SLF1: variants seen among roughly 807,000 people sequenced by gnomAD.
The protein encoded by SLF1 is SMC5-SMC6 complex localization factor protein 1.
SLF1 carries 105 observed loss-of-function variants against 123.0 expected under a neutral mutation model. That is an observed-to-expected ratio of 0.85 (90% CI 0.73 to 1.00). The LOEUF (loss-of-function observed/expected upper bound fraction) is 1.00. SLF1 is among the 50% of genes least tolerant of loss of function. SLF1 has a pLI of 0.00. For missense variants in SLF1, 1,239 were observed against 1,223.0 expected (o/e 1.01, Z -0.20); for synonymous variants, 434 against 406.6 (o/e 1.07, Z -0.81).
intron 12 of SLF1, among the ~76,000 whole-genome samples, chr5:94,668,857 G>A (rs1030092576): frequency 3.9e-5 from 6 of 152,034 alleles, no homozygotes; most frequent in African/African-American, 1.5e-4. Context: ...ATTCACATCA[G>A]GCCTATGACT....
Position 94,670,850 on chromosome 5 carries a change from G to A in SLF1, c.1669G>A (p.Asp557Asn). 6.5e-7 allele frequency: 1 copy of A among 1,548,602 alleles called. No individual in the cohort carries two copies. Among genetic ancestry groups the A allele is most frequent in the Non-Finnish European group, 8.7e-7 (1 of 1,145,016 alleles). ...EVQHLSQKLYDWSDSQNLKIT... is the reference protein window; with the variant it reads ...EVQHLSQKLYNWSDSQNLKIT... ...TGTTTATATTTTAATTAGGTTGTATGACTGGTCAGATTCTCAGAATCTGAA... is the reference window on the plus strand; with the variant it reads ...TGTTTATATTTTAATTAGGTTGTATAACTGGTCAGATTCTCAGAATCTGAA... The change falls in exon 14 of 21, where the codon GAC (aspartate) becomes AAC (asparagine). Residue 557 changes from aspartate (D) to asparagine (N), a missense_variant. Transcript: ENST00000265140.
intron 10 of SLF1, among the ~76,000 whole-genome samples, 172 bp downstream of exon 10, chr5:94,662,523 C>T (rs539350078): frequency 1.3e-5 from 2 of 152,226 alleles, no homozygotes; most frequent in East Asian, 3.9e-4. Context: ...AATATTCTGT[C>T]AAAACTCCCC....
At chr5:94,650,684 T>C (rs1170095562) in intron 6 of SLF1, among the ~76,000 whole-genome samples, 3 of 152,180 alleles carry the variant, frequency 2.0e-5, no homozygotes, top group African/African-American at 7.2e-5. Context: ...GCTAGAACTT[T>C]CCAAACTTAA....
chr5:94,630,101 T>C (rs1467452399), intron 3 of SLF1, among the ~76,000 whole-genome samples: 1 of 152,216 alleles, frequency 6.6e-6, no homozygotes, highest in African/African-American at 2.4e-5. Context: ...GGAGGAAGAA[T>C]ATAAATCTAA....
intron 6 of SLF1, among the ~76,000 whole-genome samples, chr5:94,649,960 A>C (rs1747491324): frequency 6.6e-6 from 1 of 152,208 alleles, no homozygotes. Context: ...TGTAAATTCA[A>C]GTATTTATAT....
At chr5:94,651,671 T>C in intron 6 of SLF1, 31 bp from the exon 7 acceptor site, 1 of 1,484,934 alleles carries the variant, frequency 6.7e-7, no homozygotes, top group Non-Finnish European at 9.0e-7. Flanking sequence ...TAATCCACAG[T>C]CTTAACTAAA....
At chr5:94,667,173 G>A (rs571566056) in intron 12 of SLF1, among the ~76,000 whole-genome samples, 7 of 152,040 alleles carry the variant, frequency 4.6e-5, no homozygotes, top group African/African-American at 9.6e-5. Context: ...GAGTACTTAC[G>A]GAGAGCCAGA....
At chr5:94,622,160 C>G (rs1791860271) in intron 1 of SLF1, among the ~76,000 whole-genome samples, 1 of 152,212 alleles carries the variant, frequency 6.6e-6, no homozygotes, top group South Asian at 2.1e-4. Context: ...AGAGATCCAA[C>G]ACTTGGACCC....
At chr5:94,673,335 T>G (rs1482417061) in intron 14 of SLF1, among the ~76,000 whole-genome samples, 1 of 152,126 alleles carries the variant, frequency 6.6e-6, no homozygotes, top group East Asian at 1.9e-4. Flanking sequence ...TGAAATGTTT[T>G]GCTTATTTTA....
chr5:94,654,282 A>G (rs1748109673), intron 8 of SLF1, among the ~76,000 whole-genome samples: 1 of 152,130 alleles, frequency 6.6e-6, no homozygotes, highest in Non-Finnish European at 1.5e-5. Context: ...TTTGTTTTGT[A>G]TGACCATGGC....
chr5:94,631,468 G>A (rs1401851174), intron 4 of SLF1, among the ~76,000 whole-genome samples: 1 of 152,078 alleles, frequency 6.6e-6, no homozygotes, highest in East Asian at 1.9e-4. Flanking sequence ...CTATAGACTA[G>A]ATGTATACTT....
intron 5 of SLF1, among the ~76,000 whole-genome samples, chr5:94,643,783 G>GTCCTATTCCCC (rs1407650576): frequency 2.0e-4 from 30 of 152,180 alleles, no homozygotes; most frequent in Admixed American, 1.7e-3. Context: ...ATACTGTCCT[G>GTCCTATTCCCC]TCCTATTCCC....
rs1343088989 is a variant in SLF1 at position 94,654,647 on chromosome 5, T to G, written c.1050T>G (p.Ser350=). The G allele has an allele frequency of 6.5e-7, 1 of 1,538,750 alleles. No individual in the cohort carries two copies. The highest frequency in any genetic ancestry group is 1.4e-5 in the African/African-American group (1 of 72,580). Residue 350 remains serine (S), a synonymous_variant, in exon 9 of 21, where the codon TCT becomes TCG. Coordinates refer to ENST00000265140, the MANE Select transcript of SLF1 (RefSeq NM_032290.4). ...ATATGCAGAAAGAAATGAAGAATTC[T>G]ATTTTTGCTGAATATGCCAAAGAAT... The part of the protein sequence containing the change: ...YNRDQKEMKN[S]IFAEYAKESK...
At chr5:94,642,205 C>G (rs1172787505) in intron 4 of SLF1, among the ~76,000 whole-genome samples, 1 of 152,180 alleles carries the variant, frequency 6.6e-6, no homozygotes, top group East Asian at 1.9e-4. Context: ...CCTAGTTTTA[C>G]ATCTATCCGT....
At chr5:94,690,297 A>G (rs986016734) in intron 18 of SLF1, among the ~76,000 whole-genome samples, 11 of 152,190 alleles carry the variant, frequency 7.2e-5, no homozygotes, top group African/African-American at 2.7e-4. Context: ...TTTTAATACA[A>G]ATATTAACAT....
At chr5:94,647,775 G>C (rs1362616045) in intron 5 of SLF1, among the ~76,000 whole-genome samples, 1 of 150,252 alleles carries the variant, frequency 6.7e-6, no homozygotes, top group Non-Finnish European at 1.5e-5. Context: ...AAAATATGTG[G>C]ATCATTTGTT....
chr5:94,695,673 A>G lies in SLF1; in HGVS notation c.*361A>G. The G allele has an allele frequency of 6.5e-6, 1 of 153,122 alleles. No individual in the cohort carries two copies. Among genetic ancestry groups the G allele is most frequent in the Non-Finnish European group, 1.5e-5 (1 of 68,686 alleles). The allele number at this position is 153,122 out of a possible 1,614,324, so 9.5% of individuals were successfully genotyped here. A position where few individuals can be genotyped will look rare whatever the true frequency, so the allele number is the denominator to read the frequency against. On this transcript the variant is annotated 3_prime_UTR_variant, in exon 21 of 21. Coordinates refer to ENST00000265140, the MANE Select transcript of SLF1 (RefSeq NM_032290.4). ...GTATTCTAGATGTTCTAGGTCTTAG[A>G]ATCATGGCAAGCATATTCATACAAA...
chr5:94,688,893 A>G (rs1384758358), intron 17 of SLF1, among the ~76,000 whole-genome samples: 2 of 152,208 alleles, frequency 1.3e-5, no homozygotes, highest in African/African-American at 4.8e-5. Context: ...CAAATTATTG[A>G]TGAATTATTG....
intron 13 of SLF1, among the ~76,000 whole-genome samples, chr5:94,670,512 T>A (rs1750317491): frequency 6.6e-6 from 1 of 151,818 alleles, no homozygotes; most frequent in African/African-American, 2.4e-5. Context: ...TGGATAATAG[T>A]GTTTTCATTT....
Sources: allele counts gnomAD v4.1 joint callset (sites outside exome capture counted in the v4.1 genomes callset), GRCh38; gene constraint gnomAD v4.1.1; transcripts MANE v1.5; gene names NCBI Gene and HGNC (gene_info 2026-07-23, HGNC 2026-07-21).